The following SERPINB6 variants were observed in gnomAD, a reference collection of about 807,000 sequenced individuals.
SERPINB6 encodes the protein serpin B6.
A neutral mutation model predicts 26.1 loss-of-function variants in SERPINB6; 16 were observed. The ratio of observed to expected loss-of-function variants is 0.61; its 90% CI spans 0.42 to 0.93. The LOEUF (loss-of-function observed/expected upper bound fraction) is 0.93, where lower values mean the gene tolerates loss of function less well. Among genes scored for constraint, SERPINB6 ranks in the 40% least tolerant of loss-of-function variants. The pLI, the probability that SERPINB6 is intolerant of heterozygous loss-of-function variation, is 0.00. For synonymous variants in SERPINB6, 174 were observed against 176.6 expected (o/e 0.99, Z 0.11); for missense variants, 420 against 478.0 (o/e 0.88, Z 1.13).
chr6:2,964,314 G>A (rs1339821832), intron 1 of SERPINB6, among the ~76,000 whole-genome samples: 4 of 152,098 alleles, frequency 2.6e-5, no homozygotes, highest in Admixed American at 1.3e-4. Flanking sequence ...CACAGGTTTT[G>A]TACATAATAA....
chr6:2,969,180 A>G, intron 1 of SERPINB6: 1 of 989,586 alleles, frequency 1.0e-6, no homozygotes, highest in Non-Finnish European at 1.2e-6. Context: ...ATTATAAACA[A>G]TCTAGTGAGA....
rs1771771300 is a variant in SERPINB6 at position 2,967,870 on chromosome 6, G to A, written c.-11+3663C>T. 6.6e-6 allele frequency: 1 copy of A among 152,186 alleles called. No individual in the cohort carries two copies. The highest frequency in any genetic ancestry group is 2.4e-5 in the African/African-American group (1 of 41,426). 9.4% of individuals were successfully genotyped at this position (152,186 alleles called of 1,614,324 possible). On this transcript the variant is annotated intron_variant, in intron 1 of 6. Coordinates refer to ENST00000380539, the MANE Select transcript of SERPINB6 (RefSeq NM_004568.6). The surrounding 1 kb of genome is among the most constrained non-coding windows in gnomAD (Gnocchi z 4.3). ...GGGTGTGTAAAACAGTTCAACCATT[G>A]GGGAAAGCAGTGTGGCGATTCCTCA...
chr6:2,969,390 T>C (rs1771925772), intron 1 of SERPINB6: 2 of 959,676 alleles, frequency 2.1e-6, no homozygotes, highest in South Asian at 9.6e-5. Context: ...TAGACAAATA[T>C]TTATGCAAAA....
At chr6:2,955,391 G>T in intron 3 of SERPINB6, 133 bp downstream of exon 3, 1 of 990,914 alleles carries the variant, frequency 1.0e-6, no homozygotes, top group Non-Finnish European at 1.6e-6. Context: ...AAACATATTG[G>T]CAGGTGAAAA....
At chr6:2,963,212 C>T (rs1771307175) in intron 1 of SERPINB6, among the ~76,000 whole-genome samples, 1 of 151,974 alleles carries the variant, frequency 6.6e-6, no homozygotes, top group South Asian at 2.1e-4. Flanking sequence ...CAAATTTACC[C>T]CCAAAAAAGA....
chr6:2,968,402 T>A (rs1771828482), intron 1 of SERPINB6: 1 of 759,418 alleles, frequency 1.3e-6, no homozygotes. Context: ...ACCTGCGACA[T>A]GAGTTTACCT....
chr6:2,956,805 G>C (rs902895000), intron 2 of SERPINB6: 7 of 145,092 alleles, frequency 4.8e-5, no homozygotes, highest in African/African-American at 1.8e-4. Flanking sequence ...TGGGCAACAA[G>C]AGCAAAACTC....
At chr6:2,964,209 C>T (rs1383691484) in intron 1 of SERPINB6, among the ~76,000 whole-genome samples, 1 of 151,988 alleles carries the variant, frequency 6.6e-6, no homozygotes, top group African/African-American at 2.4e-5. Context: ...AAGTAAAATA[C>T]AATAAAGTGA....
intron 5 of SERPINB6, among the ~76,000 whole-genome samples, chr6:2,952,406 A>C (rs779029099): frequency 4.6e-5 from 7 of 152,250 alleles, no homozygotes; most frequent in Non-Finnish European, 1.0e-4. Flanking sequence ...AAACAAAACA[A>C]GAGACAATAA....
At chr6:2,957,469 C>T (rs1160624253) in intron 2 of SERPINB6, 1 of 152,192 alleles carries the variant, frequency 6.6e-6, no homozygotes. Context: ...AGATCAAATC[C>T]CAGACACTGG....
Position 2,948,200 on chromosome 6 carries a change from G to T in SERPINB6, c.*98C>A. 1 of 1,376,586 alleles carries T rather than the reference G, an allele frequency of 7.3e-7. No homozygotes were observed. The highest frequency in any genetic ancestry group is 1.0e-6 in the Non-Finnish European group (1 of 967,664). The allele number at this position is 1,376,586 out of a possible 1,614,324, so 85.3% of individuals were successfully genotyped here. ...CAAATGGGCCCTTTATTTCTGAACT[G>T]CCACCACTGCACGGATAAGGCCACT... On this transcript the variant is annotated 3_prime_UTR_variant, in exon 7 of 7. Coordinates refer to ENST00000380539, the MANE Select transcript of SERPINB6 (RefSeq NM_004568.6). The surrounding 1 kb of genome is among the most constrained non-coding windows in gnomAD (Gnocchi z 5.0).
At chr6:2,951,311 G>A (rs187871519) in intron 5 of SERPINB6, among the ~76,000 whole-genome samples, 10 of 151,830 alleles carry the variant, frequency 6.6e-5, no homozygotes, top group South Asian at 4.2e-4. Context: ...ACCTGAACCC[G>A]GGAGGCGGAG....
chr6:2,948,622 C>T lies in SERPINB6; in HGVS notation c.807G>A (p.Val269=), dbSNP rs750250288. The T allele has an allele frequency of 1.6e-5, 26 of 1,614,118 alleles. No individual in the cohort carries two copies. The highest frequency in any genetic ancestry group is 2.2e-5 in the Non-Finnish European group (26 of 1,179,956). Residue 269 remains valine, a synonymous_variant, in exon 7 of 7, where the codon GTG becomes GTA. Coordinates refer to ENST00000380539, the MANE Select transcript of SERPINB6 (RefSeq NM_004568.6). The surrounding 1 kb of genome is among the most constrained non-coding windows in gnomAD (Gnocchi z 5.0). ...CCTCTAGTTTAAACCGCGGGAGGGA[C>T]ACTTCCACCTCCTCTTCATCCATCA... is the stretch of plus-strand genomic sequence containing the variant. ...LDMMDEEEVE[V]SLPRFKLEES...
At chr6:2,965,258 C>G (rs964226997) in intron 1 of SERPINB6, among the ~76,000 whole-genome samples, 1 of 152,102 alleles carries the variant, frequency 6.6e-6, no homozygotes, top group African/African-American at 2.4e-5. Flanking sequence ...TTTTCATATG[C>G]TTCGACACAA....
rs1280223777 is a variant in SERPINB6, at chr6:2,948,408, G to A, written c.1021C>T (p.Arg341Trp). The A allele has an allele frequency of 9.9e-6, 16 of 1,614,038 alleles. No individual in the cohort carries two copies. The highest frequency in any genetic ancestry group is 1.3e-5 in the Non-Finnish European group (15 of 1,180,004). ...AAGCGGGGGACGAATCTGGCACACC[G>A]CATCATCATGATGGCAGCTGTGGCG... ...AAATAAIMMM[R>W]CARFVPRFCA... Residue 341 changes from arginine to tryptophan, a missense_variant, in exon 7 of 7, where the codon CGG (arginine) becomes TGG (tryptophan). Arg to Trp is a moderately radical substitution (Grantham distance 101, BLOSUM62 -3). Coordinates refer to ENST00000380539, the MANE Select transcript of SERPINB6 (RefSeq NM_004568.6). The surrounding 1 kb of genome is among the most constrained non-coding windows in gnomAD (Gnocchi z 5.0).
chr6:2,962,510 T>C (rs1771229925), intron 1 of SERPINB6, among the ~76,000 whole-genome samples: 1 of 152,190 alleles, frequency 6.6e-6, no homozygotes, highest in South Asian at 2.1e-4. Flanking sequence ...AGGAAAAGCA[T>C]ATACCAGATA....
chr6:2,969,224 G>A (rs772666382), intron 1 of SERPINB6: 120 of 985,782 alleles, frequency 1.2e-4, no homozygotes, highest in Middle Eastern at 1.0e-3. Flanking sequence ...TATCCTTTCA[G>A]CAAACGTGTG....
At chr6:2,968,963 G>T in intron 1 of SERPINB6, 4 of 1,222,430 alleles carry the variant, frequency 3.3e-6, no homozygotes, top group East Asian at 6.4e-5. Flanking sequence ...GCTTCTACTG[G>T]ATCTGTAATC....
At chr6:2,952,190 A>T (rs1769888822) in intron 5 of SERPINB6, among the ~76,000 whole-genome samples, 2 of 152,260 alleles carry the variant, frequency 1.3e-5, no homozygotes, top group Admixed American at 6.5e-5. Flanking sequence ...AAAATAGCAC[A>T]GTTCATTTCA....
Sources: gnomAD v4.1 joint callset for allele counts (sites outside exome capture counted in the v4.1 genomes callset) on GRCh38, gnomAD v4.1.1 for gene constraint, Gnocchi (gnomAD v3.1) non-coding constraint, MANE v1.5 for transcripts, NCBI Gene and HGNC (gene_info 2026-07-23, HGNC 2026-07-21) for gene names.